ZNF600: variants seen among roughly 807,000 people sequenced by gnomAD.
ZNF600 encodes zinc finger protein KR-ZNF1.
Under a neutral mutation model 7.3 loss-of-function variants are expected in ZNF600, and 4 were observed. That is an observed-to-expected ratio of 0.55 (90% confidence interval 0.27 to 1.25). ZNF600 has a LOEUF of 1.25. Among genes scored for constraint, ZNF600 ranks in the 50% most tolerant of loss-of-function variants. The probability of loss-of-function intolerance (pLI) is 0.12; values close to 1 mark genes in which losing one functional copy is unlikely to be tolerated. For synonymous variants in ZNF600, 290 were observed against 308.9 expected (o/e 0.94, Z 0.64); for missense variants, 911 against 922.1 (o/e 0.99, Z 0.16).
the ZNF600 span, among the ~76,000 whole-genome samples, chr19:52,831,167 C>T: frequency 2.1e-4 from 32 of 152,198 alleles, no homozygotes; most frequent in Middle Eastern, 3.4e-3. Flanking sequence ...GTAAAGTCTA[C>T]GAGGAGTGCA....
Position 52,767,772 on chromosome 19 carries a change from T to C in ZNF600, c.191A>G (p.Asp64Gly), listed in dbSNP as rs764258110. ...CTTCATCATGCGTTTGGAAGAGATA[T>C]CTACAAAATATAAACAACAATAGGT... Residue 64 changes from aspartate to glycine, a missense_variant and splice_region_variant, in exon 4 of 4, where the codon GAT (aspartate) becomes GGT (glycine). By Grantham distance (94) the Asp-to-Gly change is moderately conservative. Transcript: ENST00000648973. The C allele has an allele frequency of 1.9e-6, 3 of 1,553,774 alleles. No individual in the cohort carries two copies. The Admixed American group carries it at 6.1e-5, about 32-fold the overall frequency.
chr19:52,767,233 A>G, exon 4 of ZNF600: 1 of 1,614,144 alleles, frequency 6.2e-7, no homozygotes, highest in South Asian at 1.1e-5. Flanking sequence ...CTTAAGAGTG[A>G]GCTACAATTA....
chr19:52,800,246 AC>A, the ZNF600 span: 9 of 1,613,108 alleles, frequency 5.6e-6, no homozygotes, highest in Admixed American at 5.0e-5. Flanking sequence ...TTGCTTTTGT[AC>A]TAAAAACCTT....
chr19:52,822,622 T>C, the ZNF600 span, among the ~76,000 whole-genome samples: 1 of 152,178 alleles, frequency 6.6e-6, no homozygotes, highest in African/African-American at 2.4e-5. Flanking sequence ...TAAACACTAA[T>C]CAGTCCTCAG....
At chr19:52,821,990 T>C in the ZNF600 span, among the ~76,000 whole-genome samples, 1 of 151,590 alleles carries the variant, frequency 6.6e-6, no homozygotes, top group Admixed American at 6.6e-5. Context: ...TCCGTGTGGA[T>C]ATCCAGTTAG....
chr19:52,811,420 C>T, the ZNF600 span, among the ~76,000 whole-genome samples: 3 of 146,044 alleles, frequency 2.1e-5, no homozygotes, highest in South Asian at 2.1e-4. Flanking sequence ...CGTCTCTGCC[C>T]GGCCGCCATC....
the ZNF600 span, among the ~76,000 whole-genome samples, chr19:52,813,421 C>CTGGGTTGAGACAGAGAATCGCTT: frequency 4.7e-5 from 7 of 148,220 alleles, no homozygotes; most frequent in South Asian, 4.4e-4. Flanking sequence ...GCAAGCTGCT[C>CTGGGTTGAGACAGAGAATCGCTT]CCCGTGTTTC....
chr19:52,767,268 T>G (rs1021303163), exon 4 of ZNF600: 26 of 1,614,104 alleles, frequency 1.6e-5, no homozygotes, highest in South Asian at 2.2e-5. Flanking sequence ...CTCATTACAT[T>G]GGAAAGATTT....
At chr19:52,774,726 A>G (rs1435647488) in intron 2 of ZNF600, 25 bp from the exon 5 acceptor site, 1 of 985,356 alleles carries the variant, frequency 1.0e-6, no homozygotes. Flanking sequence ...ACATTTCCAC[A>G]AAACATTATG....
chr19:52,771,008 T>G (rs1444940223), intron 3 of ZNF600, among the ~76,000 whole-genome samples: 1 of 152,076 alleles, frequency 6.6e-6, no homozygotes, highest in Non-Finnish European at 1.5e-5. Flanking sequence ...TCATTTTGTA[T>G]TTTTAGTAGA....
chr19:52,775,871 T>C (rs961717990), intron 2 of ZNF600, among the ~76,000 whole-genome samples: 4 of 152,100 alleles, frequency 2.6e-5, no homozygotes, highest in East Asian at 1.9e-4. Context: ...CTGGGAGTGA[T>C]GGTGGGTGCC....
At chr19:52,808,263 TCAC>T in the ZNF600 span, 12 of 1,497,616 alleles carry the variant, frequency 8.0e-6, no homozygotes, top group Non-Finnish European at 1.1e-5. Flanking sequence ...GACGGATTTT[TCAC>T]CACATGATGT....
chr19:52,790,682 C>CTTT (rs71183835), upstream of ZNF600, among the ~76,000 whole-genome samples: 19 of 98,570 alleles, frequency 1.9e-4, no homozygotes, highest in Non-Finnish European at 2.8e-4. Context: ...TCTCTCTCTC[C>CTTT]TTTTTTTTTT....
the ZNF600 span, among the ~76,000 whole-genome samples, chr19:52,793,663 G>A: frequency 0.011 from 1,656 of 151,562 alleles, 44 homozygotes; most frequent in African/African-American, 0.038. Flanking sequence ...GCTACTCGGG[G>A]GGCAGAGGTA....
chr19:52,766,707 C>G (rs564276896), exon 4 of ZNF600: 1 of 1,614,024 alleles, frequency 6.2e-7, no homozygotes, highest in South Asian at 1.1e-5. Flanking sequence ...AGTGTGAATT[C>G]TTTTATGTCT....
chr19:52,832,487 C>T, the ZNF600 span, among the ~76,000 whole-genome samples: 1 of 151,766 alleles, frequency 6.6e-6, no homozygotes, highest in African/African-American at 2.4e-5. Flanking sequence ...CCCAGCCACT[C>T]GGGAGGCTAA....
chr19:52,782,772 A>G (rs2062733242), intron 1 of ZNF600, among the ~76,000 whole-genome samples: 1 of 152,058 alleles, frequency 6.6e-6, no homozygotes, highest in Admixed American at 6.6e-5. Flanking sequence ...GCTGCTCGGG[A>G]GGCTGAGACA....
the ZNF600 span, chr19:52,810,404 CTG>C: frequency 8.2e-5 from 132 of 1,604,416 alleles, no homozygotes; most frequent in Middle Eastern, 1.9e-4. Context: ...TTACCATACT[CTG>C]TGACAAATTT....
upstream of ZNF600, among the ~76,000 whole-genome samples, chr19:52,790,364 G>A (rs543662818): frequency 1.3e-5 from 2 of 152,250 alleles, no homozygotes; most frequent in South Asian, 4.1e-4. Flanking sequence ...AGGTGTGGTG[G>A]TGCACACCTT....
Sources: allele counts gnomAD v4.1 joint callset (sites outside exome capture counted in the v4.1 genomes callset), GRCh38; gene constraint gnomAD v4.1.1; transcripts MANE v1.5; gene names NCBI Gene and HGNC (gene_info 2026-07-23, HGNC 2026-07-21).